Variants in SHB observed in about 807,000 individuals in gnomAD.
The protein encoded by SHB is SH2 domain-containing adapter protein B.
Under a neutral mutation model 52.3 loss-of-function variants are expected in SHB, and 20 were observed. That is an observed-to-expected ratio of 0.38 (90% CI 0.27 to 0.56). The LOEUF (loss-of-function observed/expected upper bound fraction) is 0.56. Ranked by LOEUF, SHB falls within the 20% of genes least tolerant of loss-of-function variation. The pLI is 0.71. For missense variants in SHB, 825 were observed against 723.3 expected (o/e 1.14, Z -1.61); for synonymous variants, 397 against 316.5 (o/e 1.25, Z -2.70).
intron 2 of SHB, among the ~76,000 whole-genome samples, chr9:37,997,902 C>G (rs1401182766): frequency 1.3e-5 from 2 of 152,194 alleles, no homozygotes; most frequent in Non-Finnish European, 2.9e-5. Flanking sequence ...GCCTGAGGCC[C>G]AGGAGGAGAC....
At chr9:37,984,569 C>T (rs1385913343) in intron 2 of SHB, among the ~76,000 whole-genome samples, 1 of 152,170 alleles carries the variant, frequency 6.6e-6, no homozygotes, top group Non-Finnish European at 1.5e-5. Flanking sequence ...TTTCCAGACA[C>T]TTTCTGACAT....
intron 2 of SHB, among the ~76,000 whole-genome samples, chr9:37,984,806 G>A (rs149272969): frequency 1.3e-5 from 2 of 152,248 alleles, no homozygotes; most frequent in East Asian, 3.9e-4. Context: ...CCATTCAAAC[G>A]TCTGCTGGAG....
intron 1 of SHB, among the ~76,000 whole-genome samples, chr9:38,022,102 T>C (rs568561449): frequency 6.6e-6 from 1 of 152,318 alleles, no homozygotes; most frequent in African/African-American, 2.4e-5. Context: ...GATTCACCTT[T>C]AAGACTATAC....
intron 5 of SHB, among the ~76,000 whole-genome samples, chr9:37,925,974 A>G (rs1408232727): frequency 6.6e-6 from 1 of 152,124 alleles, no homozygotes; most frequent in African/African-American, 2.4e-5. Context: ...CACTGCCTCT[A>G]TGCTTGGCAT....
intron 1 of SHB, among the ~76,000 whole-genome samples, chr9:38,017,925 C>T (rs986371434): frequency 3.3e-5 from 5 of 152,164 alleles, no homozygotes; most frequent in African/African-American, 1.2e-4. Flanking sequence ...TGCTGTCAAA[C>T]GGAACAGTTC....
chr9:38,054,311 C>T (rs1234546602), intron 1 of SHB, among the ~76,000 whole-genome samples: 1 of 152,258 alleles, frequency 6.6e-6, no homozygotes, highest in African/African-American at 2.4e-5. Context: ...ACCCTGACAT[C>T]ACACTGCTTT....
At chr9:37,948,300 C>G (rs1832517632) in intron 5 of SHB, among the ~76,000 whole-genome samples, 1 of 152,200 alleles carries the variant, frequency 6.6e-6, no homozygotes, top group African/African-American at 2.4e-5. Context: ...TCAAAAAAAT[C>G]AAAGGACCAT....
At chr9:37,948,540 G>A in intron 5 of SHB, 95 bp downstream of exon 5, 2 of 1,480,360 alleles carry the variant, frequency 1.4e-6, no homozygotes, top group Non-Finnish European at 1.9e-6. Context: ...AGTTTCCCAG[G>A]GGACACTGGC....
chr9:37,979,097 T>C (rs1820690446), intron 2 of SHB, among the ~76,000 whole-genome samples: 2 of 152,194 alleles, frequency 1.3e-5, no homozygotes, highest in Non-Finnish European at 2.9e-5. Context: ...TCTTCCTTAT[T>C]AGCTGGGCCA....
At chr9:37,932,019 C>T (rs115894439) in intron 5 of SHB, among the ~76,000 whole-genome samples, 5 of 152,148 alleles carry the variant, frequency 3.3e-5, no homozygotes, top group Admixed American at 1.3e-4. Flanking sequence ...TGGTGGCTCA[C>T]GTCTGTAGTC....
intron 1 of SHB, among the ~76,000 whole-genome samples, chr9:38,052,247 G>GGGCT (rs1190555789): frequency 6.6e-6 from 1 of 151,628 alleles, no homozygotes; most frequent in African/African-American, 2.4e-5. Flanking sequence ...CCTCATGGAT[G>GGGCT]GGCTGCTTGG....
At chr9:37,995,686 G>C (rs1298639256) in intron 2 of SHB, among the ~76,000 whole-genome samples, 1 of 152,172 alleles carries the variant, frequency 6.6e-6, no homozygotes, top group East Asian at 1.9e-4. Context: ...GGAATATTAG[G>C]GGGCAGAGGG....
rs1832120318 is a variant in SHB at position 37,917,826 on chromosome 9, T to G, written c.*1995A>C. ...TAAACCCAGGCCACAGCCAGCGTGG[T>G]CTCTATGAGGGCTGGGCCACGTGGA... On this transcript the variant is annotated 3_prime_UTR_variant, in exon 6 of 6. Transcript: ENST00000377707. Among the ~76,000 whole-genome samples, 1 of 152,224 alleles carries G rather than the reference T, an allele frequency of 6.6e-6. No individual in the cohort carries two copies. The highest frequency in any genetic ancestry group is 1.5e-5 in the Non-Finnish European group (1 of 68,042).
At chr9:37,998,233 C>G (rs1177055806) in intron 2 of SHB, among the ~76,000 whole-genome samples, 1 of 106,368 alleles carries the variant, frequency 9.4e-6, no homozygotes, top group East Asian at 2.3e-4. Context: ...GGGAGGGAAG[C>G]ACTAGGGCCA....
chr9:37,946,580 C>T (rs1373257458), intron 5 of SHB, among the ~76,000 whole-genome samples: 2 of 152,196 alleles, frequency 1.3e-5, no homozygotes, highest in Non-Finnish European at 1.5e-5. Flanking sequence ...GGCCCCAGTG[C>T]CAGCCCGGCA....
chr9:38,008,437 T>C (rs1199240938), intron 2 of SHB, among the ~76,000 whole-genome samples: 1 of 152,248 alleles, frequency 6.6e-6, no homozygotes, highest in Non-Finnish European at 1.5e-5. Context: ...GATGATCTCC[T>C]TCCTGTCCGG....
chr9:37,948,339 C>T (rs1031859180), intron 5 of SHB, among the ~76,000 whole-genome samples: 5 of 152,208 alleles, frequency 3.3e-5, no homozygotes, highest in African/African-American at 9.6e-5. Flanking sequence ...CAGGATGAGG[C>T]ATGCTAGGAA....
intron 1 of SHB, among the ~76,000 whole-genome samples, chr9:38,030,985 C>A (rs10758469): frequency 0.59 from 89,875 of 151,796 alleles, 26,706 homozygotes; most frequent in Middle Eastern, 0.66. Flanking sequence ...CAAGATCACG[C>A]ACACTAAAAG....
intron 1 of SHB, among the ~76,000 whole-genome samples, chr9:38,019,940 T>TC (rs980283475): frequency 6.6e-6 from 1 of 152,172 alleles, no homozygotes; most frequent in Non-Finnish European, 1.5e-5. Flanking sequence ...GGCACAGCAC[T>TC]CCATGACATA....
Sources: gnomAD v4.1 joint callset for allele counts (sites outside exome capture counted in the v4.1 genomes callset) on GRCh38, gnomAD v4.1.1 for gene constraint, MANE v1.5 for transcripts, NCBI Gene and HGNC (gene_info 2026-07-23, HGNC 2026-07-21) for gene names.